Variants in FAM13C observed in about 807,000 individuals in gnomAD.
FAM13C encodes the protein protein FAM13C.
FAM13C carries 37 observed loss-of-function variants against 73.2 expected under a neutral mutation model. That is an observed-to-expected ratio of 0.51 (90% CI 0.39 to 0.67). The LOEUF is 0.67. Among genes scored for constraint, FAM13C ranks in the 30% least tolerant of loss-of-function variants. FAM13C has a pLI of 0.00. For synonymous variants in FAM13C, 246 were observed against 260.9 expected, an observed-to-expected ratio of 0.94 and a Z score of 0.55; for missense variants, 589 against 715.6, an observed-to-expected ratio of 0.82 and a Z score of 2.02.
At chr10:59,296,449 A>G (rs1203819162) in intron 5 of FAM13C, among the ~76,000 whole-genome samples, 1 of 152,238 alleles carries the variant, frequency 6.6e-6, no homozygotes, top group East Asian at 1.9e-4. Context: ...TTGAACAGAT[A>G]AGAGTTAACA....
chr10:59,355,875 G>A lies in FAM13C; in HGVS notation c.119+12C>T, dbSNP rs1564630200. 1.2e-6 allele frequency: 2 copies of A among 1,613,454 alleles called. No individual in the cohort carries two copies. The highest frequency in any genetic ancestry group is 3.3e-5 in the Admixed American group (2 of 60,022). On this transcript the variant is annotated intron_variant, in intron 2 of 13. Transcript: ENST00000618804. Reference sequence around the variant, plus strand: ...CTCTCACAAATATGAACCAAGCAATGGTGGCTTTTACCTGAGACTGGAGCA... The same window carrying A: ...CTCTCACAAATATGAACCAAGCAATAGTGGCTTTTACCTGAGACTGGAGCA...
intron 1 of FAM13C, among the ~76,000 whole-genome samples, chr10:59,358,662 C>T (rs1856014111): frequency 6.6e-6 from 1 of 152,196 alleles, no homozygotes; most frequent in Admixed American, 6.5e-5. Flanking sequence ...CTCAACAATA[C>T]CTATTGTTTG....
intron 3 of FAM13C, among the ~76,000 whole-genome samples, chr10:59,349,273 G>A (rs564796159): frequency 6.6e-4 from 101 of 152,264 alleles, no homozygotes; most frequent in African/African-American, 2.4e-3. Context: ...TACAGTTTGT[G>A]TCTTTGGCAA....
intron 10 of FAM13C, among the ~76,000 whole-genome samples, chr10:59,255,067 T>C (rs894351362): frequency 5.9e-5 from 9 of 152,166 alleles, no homozygotes. Context: ...AATCCAGACA[T>C]TGATTTTTCT....
chr10:59,360,921 T>C, intron 1 of FAM13C: 1 of 654,972 alleles, frequency 1.5e-6, no homozygotes, highest in Admixed American at 2.6e-5. Context: ...ATTTTGAACC[T>C]GCCGTGCCTG....
intron 7 of FAM13C, among the ~76,000 whole-genome samples, chr10:59,269,417 TACACAC>T (rs10532470): frequency 5.1e-4 from 75 of 146,606 alleles, no homozygotes; most frequent in South Asian, 2.0e-3. Context: ...GGCATCCGAT[TACACAC>T]ACACACACAC....
chr10:59,355,020 TTA>T, intron 2 of FAM13C, among the ~76,000 whole-genome samples: 1 of 150,408 alleles, frequency 6.6e-6, no homozygotes, highest in Admixed American at 6.6e-5. Flanking sequence ...TAATAATAAT[TTA>T]AAAAATAAAT....
intron 5 of FAM13C, chr10:59,283,699 G>T: frequency 1.7e-6 from 1 of 593,036 alleles, no homozygotes; most frequent in South Asian, 2.1e-5. Context: ...CTGAGTTTCT[G>T]CCTCATTTAA....
At chr10:59,283,244 G>T in intron 6 of FAM13C, 119 bp downstream of exon 6, 1 of 1,037,928 alleles carries the variant, frequency 9.6e-7, no homozygotes, top group Non-Finnish European at 1.5e-6. Flanking sequence ...GCACCTCTTG[G>T]GCTTTCATGT....
At chr10:59,349,429 T>A (rs953732910) in intron 3 of FAM13C, among the ~76,000 whole-genome samples, 2 of 152,198 alleles carry the variant, frequency 1.3e-5, no homozygotes, top group Non-Finnish European at 2.9e-5. Context: ...GCAGACAGCT[T>A]CATGATACCA....
chr10:59,352,071 C>T (rs1274360691), intron 3 of FAM13C, among the ~76,000 whole-genome samples, 199 bp downstream of exon 3: 2 of 151,980 alleles, frequency 1.3e-5, no homozygotes, highest in African/African-American at 4.8e-5. Context: ...TTAAGGGGCA[C>T]CAAATTATTA....
At chr10:59,284,571 C>T (rs1589449348) in intron 5 of FAM13C, among the ~76,000 whole-genome samples, 1 of 151,376 alleles carries the variant, frequency 6.6e-6, no homozygotes, top group Non-Finnish European at 1.5e-5. Context: ...CATACACACC[C>T]TCACCCCCTA....
intron 3 of FAM13C, among the ~76,000 whole-genome samples, chr10:59,345,153 C>A (rs560898801): frequency 6.6e-6 from 1 of 152,280 alleles, no homozygotes; most frequent in Admixed American, 6.5e-5. Context: ...ATATTCCAAG[C>A]AGCATGTAAG....
At chr10:59,313,601 A>C (rs922301024) in intron 4 of FAM13C, among the ~76,000 whole-genome samples, 1 of 152,202 alleles carries the variant, frequency 6.6e-6, no homozygotes, top group Admixed American at 6.5e-5. Context: ...TCAACTGGCA[A>C]TTCAGTTGAG....
chr10:59,325,094 C>T (rs1409059336), intron 3 of FAM13C, among the ~76,000 whole-genome samples: 2 of 152,144 alleles, frequency 1.3e-5, no homozygotes, highest in Non-Finnish European at 2.9e-5. Flanking sequence ...CAAAAATCTG[C>T]GAGAAATTCA....
intron 3 of FAM13C, among the ~76,000 whole-genome samples, chr10:59,332,702 G>A (rs980930944): frequency 5.3e-5 from 8 of 152,160 alleles, no homozygotes; most frequent in Non-Finnish European, 8.8e-5. Context: ...ATTTTCAAAA[G>A]CAAGCAATCA....
chr10:59,302,982 A>G (rs1847775257), intron 4 of FAM13C, 118 bp from the exon 5 acceptor site: 2 of 803,878 alleles, frequency 2.5e-6, no homozygotes, highest in Non-Finnish European at 4.0e-6. Flanking sequence ...GTTGTGTCCC[A>G]CTGCCTGTAG....
intron 1 of FAM13C, among the ~76,000 whole-genome samples, chr10:59,359,207 G>C (rs1329803952): frequency 6.6e-6 from 1 of 152,154 alleles, no homozygotes. Context: ...TTTGCACCTG[G>C]GCTAAGTTGT....
At chr10:59,268,115 G>A (rs1335549988) in intron 8 of FAM13C, among the ~76,000 whole-genome samples, 1 of 151,630 alleles carries the variant, frequency 6.6e-6, no homozygotes, top group Admixed American at 6.6e-5. Context: ...TAATGTCAAA[G>A]AAACCATCTC....
Sources: allele counts gnomAD v4.1 joint callset (sites outside exome capture counted in the v4.1 genomes callset), GRCh38; gene constraint gnomAD v4.1.1; transcripts MANE v1.5; gene names NCBI Gene and HGNC (gene_info 2026-07-23, HGNC 2026-07-21).